TSHZ2: variants seen among roughly 807,000 people sequenced by gnomAD.
TSHZ2 encodes the protein teashirt homolog 2.
A neutral mutation model predicts 74.4 loss-of-function variants in TSHZ2; 21 were observed. That is an observed-to-expected ratio of 0.28 (90% CI 0.20 to 0.41). The LOEUF (loss-of-function observed/expected upper bound fraction) is 0.41, where lower values mean the gene tolerates loss of function less well. Ranked by LOEUF, TSHZ2 falls within the 10% of genes least tolerant of loss-of-function variation. The probability of loss-of-function intolerance (pLI) is 1.00; values close to 1 mark genes in which losing one functional copy is unlikely to be tolerated. For missense variants in TSHZ2, 1,244 were observed against 1,293.5 expected, an observed-to-expected ratio of 0.96 and a Z score of 0.59; for synonymous variants, 540 against 515.3, an observed-to-expected ratio of 1.05 and a Z score of -0.65.
intron 1 of TSHZ2, chr20:53,206,749 A>C (rs1425887996): frequency 6.6e-6 from 1 of 152,170 alleles, no homozygotes. Context: ...TCTCTAGGAA[A>C]TCTCTTCCAC....
intron 1 of TSHZ2, among the ~76,000 whole-genome samples, chr20:53,218,159 A>C (rs1989477669): frequency 6.6e-6 from 1 of 152,216 alleles, no homozygotes; most frequent in East Asian, 1.9e-4. Context: ...TCTGCACTAA[A>C]TTTGTTTTCT....
intron 1 of TSHZ2, among the ~76,000 whole-genome samples, chr20:53,052,079 GA>G (rs1984488870): frequency 6.6e-6 from 1 of 152,128 alleles, no homozygotes; most frequent in Non-Finnish European, 1.5e-5. Flanking sequence ...CCAGTCTCCA[GA>G]ACTTTTTCAT....
intron 2 of TSHZ2, among the ~76,000 whole-genome samples, chr20:53,434,290 T>C (rs1032810398): frequency 2.0e-5 from 3 of 152,192 alleles, no homozygotes; most frequent in African/African-American, 7.2e-5. Flanking sequence ...CATGTAATCA[T>C]CACAATGACC....
intron 2 of TSHZ2, among the ~76,000 whole-genome samples, chr20:53,309,004 G>C (rs541286981): frequency 6.6e-6 from 1 of 152,218 alleles, no homozygotes; most frequent in African/African-American, 2.4e-5. Context: ...AAGACTGAAG[G>C]CCATTCAGGT....
At chr20:52,992,926 A>G (rs1383655737) in intron 1 of TSHZ2, among the ~76,000 whole-genome samples, 2 of 152,222 alleles carry the variant, frequency 1.3e-5, no homozygotes, top group Admixed American at 1.3e-4. Flanking sequence ...CTTCTGTATT[A>G]TCATCTCAGG....
chr20:53,268,533 G>A (rs887213805), intron 2 of TSHZ2, among the ~76,000 whole-genome samples: 9 of 152,258 alleles, frequency 5.9e-5, no homozygotes, highest in African/African-American at 1.9e-4. Context: ...GGATGGAACC[G>A]GTCTTCCTGG....
intron 2 of TSHZ2, among the ~76,000 whole-genome samples, chr20:53,346,400 C>T (rs747668991): frequency 2.0e-4 from 30 of 152,176 alleles, no homozygotes; most frequent in Non-Finnish European, 3.7e-4. Flanking sequence ...GAAGCCAGCA[C>T]GCTCTGAACT....
intron 1 of TSHZ2, among the ~76,000 whole-genome samples, chr20:53,047,297 G>T (rs1306075794): frequency 1.3e-5 from 2 of 152,156 alleles, no homozygotes; most frequent in Non-Finnish European, 2.9e-5. Context: ...GTCTCGGTAA[G>T]TGGTTGAGAG....
intron 2 of TSHZ2, among the ~76,000 whole-genome samples, chr20:53,359,339 G>T (rs1980966814): frequency 6.6e-6 from 1 of 152,082 alleles, no homozygotes; most frequent in African/African-American, 2.4e-5. Context: ...TAACCTCTCT[G>T]TGCCTCAATT....
At chr20:53,047,803 G>C (rs1984280084) in intron 1 of TSHZ2, among the ~76,000 whole-genome samples, 1 of 152,078 alleles carries the variant, frequency 6.6e-6, no homozygotes, top group African/African-American at 2.4e-5. Flanking sequence ...TAAAACTACT[G>C]CTGCCTTCAA....
rs1986512356 is a variant in TSHZ2, at chr20:53,493,981, C to T, written c.*6846C>T. ...GACAAACAACCACTGGAAATGATGG[C>T]TTTCCTGCTTGAAACGAAGGGGGCC... On this transcript the variant is annotated 3_prime_UTR_variant, in exon 3 of 3. Transcript: ENST00000371497. 1 of 152,234 alleles carries T rather than the reference C, an allele frequency of 6.6e-6. No homozygotes were observed. The highest frequency in any genetic ancestry group is 2.4e-5 in the African/African-American group (1 of 41,438). 9.4% of individuals were successfully genotyped at this position (152,234 alleles called of 1,614,324 possible).
At chr20:53,159,884 G>A (rs1416434454) in intron 1 of TSHZ2, among the ~76,000 whole-genome samples, 1 of 152,174 alleles carries the variant, frequency 6.6e-6, no homozygotes, top group Non-Finnish European at 1.5e-5. Flanking sequence ...CATTTTTCTT[G>A]CCTGAACATT....
At chr20:53,327,344 A>G (rs1003795423) in intron 2 of TSHZ2, among the ~76,000 whole-genome samples, 3 of 152,170 alleles carry the variant, frequency 2.0e-5, no homozygotes, top group Admixed American at 6.5e-5. Flanking sequence ...TAGAAATGAC[A>G]GATGCGTGGT....
rs576028473 is a variant in TSHZ2 at position 53,265,464 on chromosome 20, A to G, written c.*8+8893A>G. Among the ~76,000 whole-genome samples, 168 of 152,222 alleles carry G rather than the reference A, an allele frequency of 1.1e-3. 2 individuals carry two copies. The highest frequency in any genetic ancestry group is 3.9e-3 in the Admixed American group (60 of 15,302). ...AAAGGAGGTCTGTTGGCTGCCAGGT[A>G]CAACACAGGGGAAGCTGCTGTTCCT... On this transcript the variant is annotated intron_variant, in intron 2 of 2. Transcript: ENST00000371497.
intron 2 of TSHZ2, among the ~76,000 whole-genome samples, chr20:53,386,011 A>C (rs574630501): frequency 6.6e-6 from 1 of 152,142 alleles, no homozygotes; most frequent in African/African-American, 2.4e-5. Flanking sequence ...TTAAGACAGC[A>C]TTCCAATTGG....
Position 53,194,965 on chromosome 20 carries a change from C to T in TSHZ2, c.41-58534C>T, listed in dbSNP as rs189875090. The stretch of plus-strand genomic sequence containing the variant: ...ATTTCAGGCTTTGTAAATTAACAGT[C>T]CTCTCCTCCTCCCACACTTTTTTTC... On this transcript the variant is annotated intron_variant, in intron 1 of 2. Transcript: ENST00000371497. Among the ~76,000 whole-genome samples, 252 of 152,336 alleles carry T rather than the reference C, an allele frequency of 1.7e-3. 1 individual carries two copies. Among genetic ancestry groups the T allele is most frequent in the African/African-American group, 5.8e-3 (241 of 41,570 alleles).
At chr20:53,049,211 G>A (rs1327485361) in intron 1 of TSHZ2, among the ~76,000 whole-genome samples, 2 of 152,074 alleles carry the variant, frequency 1.3e-5, no homozygotes, top group African/African-American at 2.4e-5. Flanking sequence ...CCAAAGAGGG[G>A]CCCCTAATCC....
intron 1 of TSHZ2, among the ~76,000 whole-genome samples, chr20:52,996,631 G>T (rs954437707): frequency 6.6e-6 from 1 of 152,054 alleles, no homozygotes; most frequent in African/African-American, 2.4e-5. Context: ...GCTTTCTTGT[G>T]GAAAAACTGA....
At chr20:53,143,011 G>A (rs1028091005) in intron 1 of TSHZ2, among the ~76,000 whole-genome samples, 7 of 152,136 alleles carry the variant, frequency 4.6e-5, no homozygotes, top group African/African-American at 1.2e-4. Flanking sequence ...GACGTGACCC[G>A]CTGCTTTGCA....
Sources: gnomAD v4.1 joint callset for allele counts (sites outside exome capture counted in the v4.1 genomes callset) on GRCh38, gnomAD v4.1.1 for gene constraint, MANE v1.5 for transcripts, NCBI Gene and HGNC (gene_info 2026-07-23, HGNC 2026-07-21) for gene names.